Variants in LOXL2 observed in about 807,000 individuals in gnomAD.
LOXL2 encodes lysyl oxidase homolog 2.
Under a neutral mutation model 93.0 loss-of-function variants are expected in LOXL2, and 70 were observed. The ratio of observed to expected loss-of-function variants is 0.75; its 90% CI spans 0.62 to 0.92. LOXL2 has a LOEUF of 0.92. LOXL2 is among the 40% of genes least tolerant of loss of function. The pLI, the probability that LOXL2 is intolerant of heterozygous loss-of-function variation, is 0.00. For missense variants in LOXL2, 973 were observed against 1,054.9 expected (o/e 0.92, Z 1.08); for synonymous variants, 438 against 413.2 (o/e 1.06, Z -0.73).
Position 23,309,995 on chromosome 8 carries a change from C to G in LOXL2, c.1637-84G>C, listed in dbSNP as rs964483115. On this transcript the variant is annotated intron_variant, in intron 9 of 13. Transcript: ENST00000389131. The stretch of plus-strand genomic sequence containing the variant: ...TCTGATTCTTGAGCTGGGACAAACC[C>G]CCTCTCCTGCCTACCGCCACCTTCT... 32 of 1,363,008 alleles carry G rather than the reference C, an allele frequency of 2.3e-5. 1 individual carries two copies. The highest frequency in any genetic ancestry group is 6.0e-5 in the African/African-American group (4 of 66,642). The allele number at this position is 1,363,008 out of a possible 1,614,324, so 84.4% of individuals were successfully genotyped here. A position where few individuals can be genotyped will look rare whatever the true frequency, so the allele number is the denominator to read the frequency against.
chr8:23,389,580 TATTGCCAATAGCAATAAA>T (rs1162343682), intron 1 of LOXL2, among the ~76,000 whole-genome samples: 1 of 152,208 alleles, frequency 6.6e-6, no homozygotes, highest in African/African-American at 2.4e-5. Flanking sequence ...CAATTGTTTT[TATTGCCAATAGCAATAAA>T]AATTCCTAGT....
chr8:23,373,295 G>A (rs371963133), intron 1 of LOXL2, among the ~76,000 whole-genome samples: 1 of 152,158 alleles, frequency 6.6e-6, no homozygotes, highest in African/African-American at 2.4e-5. Flanking sequence ...TGAACTACCT[G>A]AGCCAGCGGA....
intron 1 of LOXL2, among the ~76,000 whole-genome samples, chr8:23,398,079 C>T (rs1203372498): frequency 6.6e-6 from 1 of 151,986 alleles, no homozygotes; most frequent in Non-Finnish European, 1.5e-5. Flanking sequence ...CATGCAGGCA[C>T]TCTGAAGAGC....
intron 1 of LOXL2, among the ~76,000 whole-genome samples, chr8:23,392,849 A>C (rs1351917142): frequency 6.6e-6 from 1 of 152,242 alleles, no homozygotes; most frequent in Admixed American, 6.5e-5. Flanking sequence ...CAAAACCAGT[A>C]AATGAGTTCA....
intron 3 of LOXL2, among the ~76,000 whole-genome samples, chr8:23,357,097 T>G (rs1804213828): frequency 6.6e-6 from 1 of 151,936 alleles, no homozygotes; most frequent in Non-Finnish European, 1.5e-5. Flanking sequence ...AGACGGAGTC[T>G]CGCTGTTGTT....
chr8:23,347,720 G>A (rs4307350), intron 3 of LOXL2, among the ~76,000 whole-genome samples: 43,662 of 151,680 alleles, frequency 0.29, 8,049 homozygotes, highest in African/African-American at 0.53. Flanking sequence ...TATAATCCTC[G>A]TGCTTTGAGA....
At chr8:23,331,265 C>T (rs1300769043) in intron 5 of LOXL2, among the ~76,000 whole-genome samples, 1 of 152,094 alleles carries the variant, frequency 6.6e-6, no homozygotes, top group African/African-American at 2.4e-5. Flanking sequence ...GTTGGCTCAG[C>T]CTCTGCTGCT....
At chr8:23,333,673 C>T in intron 4 of LOXL2, 50 bp from the exon 5 acceptor site, 1 of 1,453,664 alleles carries the variant, frequency 6.9e-7, no homozygotes. Flanking sequence ...GACGCCTACC[C>T]CGATTCCTTC....
intron 3 of LOXL2, among the ~76,000 whole-genome samples, chr8:23,342,838 T>C (rs1803906359): frequency 6.6e-6 from 1 of 152,118 alleles, no homozygotes; most frequent in Non-Finnish European, 1.5e-5. Flanking sequence ...GCAGTCTCCA[T>C]ATCCTGGGCT....
chr8:23,320,994 C>G (rs1449747168), intron 7 of LOXL2, among the ~76,000 whole-genome samples: 1 of 152,168 alleles, frequency 6.6e-6, no homozygotes, highest in Non-Finnish European at 1.5e-5. Flanking sequence ...GTTATTCAAG[C>G]CAGAAACAGA....
At chr8:23,305,961 C>A (rs1479086844) in intron 10 of LOXL2, among the ~76,000 whole-genome samples, 1 of 151,978 alleles carries the variant, frequency 6.6e-6, no homozygotes, top group African/African-American at 2.4e-5. Context: ...ACAGAGCACG[C>A]CACCATGCCT....
At chr8:23,394,496 A>G (rs1053082896) in intron 1 of LOXL2, among the ~76,000 whole-genome samples, 3 of 152,144 alleles carry the variant, frequency 2.0e-5, no homozygotes, top group African/African-American at 4.8e-5. Context: ...TTACAAGCAC[A>G]TAAAAAGGTG....
At position 23,303,428 on chromosome 8, in the gene LOXL2, A is replaced by G. The variant is rs748909727; in HGVS notation, c.1881-31T>C. ...GCGAGAGAGAGATGGCCTGGAGGTC[A>G]GTTTCTGGAGCAACTGCTGCTTGCA... On this transcript the variant is annotated intron_variant, in intron 10 of 13. Transcript: ENST00000389131. The G allele has an allele frequency of 8.5e-6, 11 of 1,300,750 alleles. No individual in the cohort carries two copies. The African/African-American group carries it at 1.6e-4, about 19-fold the overall frequency. The allele number at this position is 1,300,750 out of a possible 1,614,324, so 80.6% of individuals were successfully genotyped here. A position where few individuals can be genotyped will look rare whatever the true frequency, so the allele number is the denominator to read the frequency against.
chr8:23,356,735 G>A (rs1804206455), intron 3 of LOXL2, among the ~76,000 whole-genome samples: 1 of 152,310 alleles, frequency 6.6e-6, no homozygotes, highest in South Asian at 2.1e-4. Context: ...CCAGAGGGAG[G>A]CCTTCTAGGA....
At position 23,326,433 on chromosome 8, in the gene LOXL2, A is replaced by T. The variant is rs565537314; in HGVS notation, c.1150+1949T>A. On this transcript the variant is annotated intron_variant, in intron 6 of 13. Transcript: ENST00000389131. ...GAGAGCACAAACCCACACATCGGCC[A>T]ATCAGTAAATGACTGCAGGGATAGT... Among the ~76,000 whole-genome samples the T allele has an allele frequency of 2.0e-5, 3 of 152,252 alleles. No homozygotes were observed. The South Asian group carries it at 6.2e-4, about 32-fold the overall frequency.
chr8:23,371,804 C>G (rs373029519), intron 1 of LOXL2, among the ~76,000 whole-genome samples: 1 of 138,634 alleles, frequency 7.2e-6, no homozygotes, highest in Non-Finnish European at 1.5e-5. Context: ...AAGCGCAGCA[C>G]GAAAGGCAGG....
In LOXL2 at chr8:23,381,864, T is replaced by C. The variant is rs370715108; in HGVS notation, c.-83-13430A>G. On this transcript the variant is annotated intron_variant, in intron 1 of 13. Coordinates refer to ENST00000389131, the MANE Select transcript of LOXL2 (RefSeq NM_002318.3). ...ATTGCTCACACGTAACTGGGTGTTA[T>C]AGGTGAATGGGCACCTGACTGGGCC... Among the ~76,000 whole-genome samples the C allele has an allele frequency of 3.3e-5, 5 of 152,234 alleles. No individual in the cohort carries two copies. In the East Asian group the frequency reaches 5.8e-4, roughly 18 times the overall value.
intron 1 of LOXL2, among the ~76,000 whole-genome samples, chr8:23,381,104 T>TTA (rs1804675808): frequency 6.6e-6 from 1 of 151,808 alleles, no homozygotes; most frequent in East Asian, 1.9e-4. Flanking sequence ...TCTTTTTTTT[T>TTA]TTTGTACACA....
chr8:23,341,939 G>A (rs1483793957), intron 3 of LOXL2, among the ~76,000 whole-genome samples: 1 of 152,188 alleles, frequency 6.6e-6, no homozygotes, highest in Non-Finnish European at 1.5e-5. Context: ...GCAAGGAAAG[G>A]AGACACTTTG....
Sources: gnomAD v4.1 joint callset for allele counts (sites outside exome capture counted in the v4.1 genomes callset) on GRCh38, gnomAD v4.1.1 for gene constraint, MANE v1.5 for transcripts, NCBI Gene and HGNC (gene_info 2026-07-23, HGNC 2026-07-21) for gene names.